RBM43: variants seen among roughly 807,000 people sequenced by gnomAD.
The protein encoded by RBM43 is RNA binding motif protein 43, also known as RNA-binding protein 43.
Under a neutral mutation model 12.4 loss-of-function variants are expected in RBM43, and 12 were observed. That is an observed-to-expected ratio of 0.97 (90% CI 0.62 to 1.57). The LOEUF is 1.57. Among genes scored for constraint, RBM43 ranks in the 40% most tolerant of loss-of-function variants. The pLI is 0.00. For synonymous variants in RBM43, 138 were observed against 145.7 expected (o/e 0.95, Z 0.38); for missense variants, 348 against 400.1 (o/e 0.87, Z 1.11).
chr2:151,255,059 A>T (rs1192894973), intron 2 of RBM43, among the ~76,000 whole-genome samples: 1 of 152,224 alleles, frequency 6.6e-6, no homozygotes, highest in Non-Finnish European at 1.5e-5. Context: ...AGCCATTTTC[A>T]TATCTTTTCT....
intron 1 of RBM43, 59 bp downstream of exon 1, chr2:151,261,666 C>T: frequency 6.4e-7 from 1 of 1,572,906 alleles, no homozygotes; most frequent in South Asian, 1.2e-5. Flanking sequence ...TTCTAGGGGA[C>T]CATGGCGACG....
chr2:151,255,456 T>A, intron 2 of RBM43, 77 bp downstream of exon 2: 1 of 1,013,472 alleles, frequency 9.9e-7, no homozygotes, highest in Non-Finnish European at 1.5e-6. Context: ...ATTCCGTGGA[T>A]CATTTTAATA....
At chr2:151,259,711 A>G (rs564650283) in intron 1 of RBM43, among the ~76,000 whole-genome samples, 1 of 152,320 alleles carries the variant, frequency 6.6e-6, no homozygotes, top group South Asian at 2.1e-4. Flanking sequence ...AACCCTGTCA[A>G]TGTAAGAATA....
intron 3 of RBM43, 77 bp downstream of exon 3, chr2:151,252,678 G>C: frequency 1.3e-6 from 1 of 776,456 alleles, no homozygotes; most frequent in Non-Finnish European, 2.2e-6. Context: ...AGCACTTTGT[G>C]TCGCCTGCCA....
At chr2:151,261,296 C>A (rs1055984892) in intron 1 of RBM43, 25 of 1,550,522 alleles carry the variant, frequency 1.6e-5, no homozygotes, top group Non-Finnish European at 2.0e-5. Flanking sequence ...GCTGTGACCT[C>A]CATTTCTGGC....
chr2:151,258,949 C>T (rs1683010057), intron 1 of RBM43, among the ~76,000 whole-genome samples: 3 of 152,218 alleles, frequency 2.0e-5, no homozygotes, highest in South Asian at 4.2e-4. Flanking sequence ...TCGAGACCAG[C>T]CCGGCCAACA....
chr2:151,260,832 T>C (rs1285244285), intron 1 of RBM43, among the ~76,000 whole-genome samples: 1 of 152,364 alleles, frequency 6.6e-6, no homozygotes, highest in African/African-American at 2.4e-5. Flanking sequence ...GAGCAGCTTT[T>C]AGCCAAGACA....
chr2:151,255,796 AAG>A (rs2105191583), intron 1 of RBM43, 53 bp from the exon 2 acceptor site: 3 of 1,231,498 alleles, frequency 2.4e-6, no homozygotes, highest in Non-Finnish European at 3.6e-6. Context: ...CTATATAATA[AAG>A]ATGACATCAC....
Position 151,249,373 on chromosome 2 carries a change from CTTTTTTT to C in RBM43, c.*1526_*1532del, listed in dbSNP as rs10596453. On this transcript the variant is annotated 3_prime_UTR_variant, in exon 4 of 4. Transcript: ENST00000331426. The stretch of plus-strand genomic sequence containing the variant: ...ACTAAGAATGTTACTTGTGGTCTTT[CTTTTTTT>C]TTTTTTTTTTTTTTTGAGACGGAGT... 2.9e-5 allele frequency: 3 copies of C among 104,924 alleles called. No individual in the cohort carries two copies. Among genetic ancestry groups the C allele is most frequent in the East Asian group, 2.9e-4 (1 of 3,506 alleles). 6.5% of individuals were successfully genotyped at this position (104,924 alleles called of 1,614,324 possible). A position where few individuals can be genotyped will look rare whatever the true frequency, so the allele number is the denominator to read the frequency against.
rs1198695022 is a variant in RBM43, at chr2:151,250,972, T to C, written c.1008A>G (p.Gly336=). The C allele has an allele frequency of 1.2e-6, 2 of 1,611,914 alleles. No homozygotes were observed. The highest frequency in any genetic ancestry group is 2.2e-5 in the South Asian group (2 of 90,532). The change falls in exon 4 of 4, where the codon GGA becomes GGG. Residue 336 remains glycine, a synonymous_variant. Transcript: ENST00000331426. ...TAAACAGGTAAGTGTCAGAAGAAGA[T>C]CCTATAATGTCAATGTGTGTCCTAT... ...NLYRTHIDII[G]SSSDTYLFKK... is the part of the protein sequence containing the mutation.
At chr2:151,259,866 T>A (rs1400249593) in intron 1 of RBM43, among the ~76,000 whole-genome samples, 1 of 115,474 alleles carries the variant, frequency 8.7e-6, no homozygotes, top group Non-Finnish European at 1.9e-5. Flanking sequence ...TCTTGTTTTT[T>A]GTTTGTTTGT....
chr2:151,261,849 G>C lies in RBM43; in HGVS notation c.-122C>G. The C allele has an allele frequency of 2.5e-6, 3 of 1,199,126 alleles. No homozygotes were observed. The highest frequency in any genetic ancestry group is 1.2e-6 in the Non-Finnish European group (1 of 853,390). 74.3% of individuals were successfully genotyped at this position (1,199,126 alleles called of 1,614,324 possible). A position where few individuals can be genotyped will look rare whatever the true frequency, so the allele number is the denominator to read the frequency against. ...GTTTTTTGTTCCAGCTCCCTTGGAG[G>C]CTACGAAGAAAAGGGCGGTCCTTCC... On this transcript the variant is annotated 5_prime_UTR_variant, in exon 1 of 4. Transcript: ENST00000331426.
chr2:151,257,561 T>G (rs768510234), intron 1 of RBM43, among the ~76,000 whole-genome samples: 5 of 151,616 alleles, frequency 3.3e-5, no homozygotes, highest in Non-Finnish European at 5.9e-5. Flanking sequence ...GGCATGGTGG[T>G]GCATGCCTGT....
In RBM43 at chr2:151,255,668, A is replaced by G; in HGVS notation, c.79T>C (p.Phe27Leu). The G allele has an allele frequency of 1.2e-6, 2 of 1,614,016 alleles. No individual in the cohort carries two copies. Among genetic ancestry groups the G allele is most frequent in the Non-Finnish European group, 1.7e-6 (2 of 1,179,966 alleles). ...VVVAGLPVDL[F>L]SDQLLAVLVK... ...AATACGGCCAATAATTGATCACTAAAAAGGTCAACTGGAAGACCAGCAACT... is the reference window on the plus strand; with the variant it reads ...AATACGGCCAATAATTGATCACTAAGAAGGTCAACTGGAAGACCAGCAACT... Residue 27 changes from phenylalanine to leucine, a missense_variant, in exon 2 of 4, where the codon TTT (phenylalanine) becomes CTT (leucine). Phe to Leu is a conservative substitution (Grantham distance 22). Coordinates refer to ENST00000331426, the MANE Select transcript of RBM43 (RefSeq NM_198557.3).
At position 151,255,520 on chromosome 2, in the gene RBM43, G is replaced by T. The variant is rs1682960636; in HGVS notation, c.214+13C>A. 3 of 1,539,454 alleles carry T rather than the reference G, an allele frequency of 1.9e-6. No individual in the cohort carries two copies. The highest frequency in any genetic ancestry group is 1.2e-5 in the South Asian group (1 of 83,210). ...AGTATTTCTAAAATTACAAAAATTT[G>T]ACTTGGAAATACCTTTTTTTTCTTT... On this transcript the variant is annotated intron_variant, in intron 2 of 3. Transcript: ENST00000331426.
chr2:151,258,490 G>A (rs1683003796), intron 1 of RBM43, among the ~76,000 whole-genome samples: 1 of 152,052 alleles, frequency 6.6e-6, no homozygotes, highest in African/African-American at 2.4e-5. Context: ...GAGGCCAGGA[G>A]TTCCAGACCA....
chr2:151,254,749 C>T (rs1682950354), intron 2 of RBM43, among the ~76,000 whole-genome samples: 1 of 152,164 alleles, frequency 6.6e-6, no homozygotes, highest in Non-Finnish European at 1.5e-5. Flanking sequence ...AGCAGAATGG[C>T]TCATTCTGAT....
chr2:151,257,101 T>C (rs779404097), intron 1 of RBM43, among the ~76,000 whole-genome samples: 6 of 152,194 alleles, frequency 3.9e-5, no homozygotes, highest in Non-Finnish European at 8.8e-5. Flanking sequence ...TTCTCCCAAT[T>C]TTTAAACAGT....
chr2:151,261,677 G>T (rs1683048968), intron 1 of RBM43, 48 bp downstream of exon 1: 1 of 1,581,800 alleles, frequency 6.3e-7, no homozygotes, highest in African/African-American at 1.3e-5. Context: ...CATGGCGACG[G>T]TACAGGCACG....
Sources: allele counts gnomAD v4.1 joint callset (sites outside exome capture counted in the v4.1 genomes callset), GRCh38; gene constraint gnomAD v4.1.1; transcripts MANE v1.5; gene names NCBI Gene and HGNC (gene_info 2026-07-23, HGNC 2026-07-21).